The following NEDD4L variants were observed in gnomAD, a reference collection of about 807,000 sequenced individuals.
The protein encoded by NEDD4L is E3 ubiquitin-protein ligase NEDD4-like.
NEDD4L carries 54 observed loss-of-function variants against 148.9 expected under a neutral mutation model. The observed-to-expected ratio is 0.36, with a 90% confidence interval of 0.29 to 0.45. NEDD4L has a LOEUF of 0.45. NEDD4L is among the 20% of genes least tolerant of loss of function. The pLI is 1.00. For synonymous variants in NEDD4L, 433 were observed against 440.7 expected (o/e 0.98, Z 0.22); for missense variants, 856 against 1,233.8 (o/e 0.69, Z 4.59).
chr18:58,126,067 T>G, intron 1 of NEDD4L, among the ~76,000 whole-genome samples: 1 of 152,256 alleles, frequency 6.6e-6, no homozygotes, highest in East Asian at 1.9e-4. Flanking sequence ...CCCTTTAGCC[T>G]TGAAGGGGAC....
chr18:58,373,055 T>C, intron 23 of NEDD4L, 119 bp from the exon 24 acceptor site: 1 of 652,498 alleles, frequency 1.5e-6, no homozygotes, highest in South Asian at 1.7e-5. Context: ...AACATTGCAT[T>C]AGTAACATAT....
chr18:58,292,792 C>T (rs1284355307), intron 5 of NEDD4L, among the ~76,000 whole-genome samples: 3 of 152,156 alleles, frequency 2.0e-5, no homozygotes, highest in South Asian at 2.1e-4. Flanking sequence ...ATATTTGGAA[C>T]GTAAGCTCTG....
chr18:58,064,692 C>G (rs902136524), intron 1 of NEDD4L, among the ~76,000 whole-genome samples: 1 of 152,170 alleles, frequency 6.6e-6, no homozygotes, highest in Non-Finnish European at 1.5e-5. Context: ...CCCCAGAAAT[C>G]ATGGGGAAGT....
At chr18:58,178,174 A>T (rs1040207581) in intron 2 of NEDD4L, among the ~76,000 whole-genome samples, 1 of 152,186 alleles carries the variant, frequency 6.6e-6, no homozygotes, top group Non-Finnish European at 1.5e-5. Context: ...TGGGAGTGTC[A>T]GTGTTATTTT....
intron 1 of NEDD4L, among the ~76,000 whole-genome samples, chr18:58,071,341 C>T (rs1315160395): frequency 6.6e-6 from 1 of 151,838 alleles, no homozygotes; most frequent in East Asian, 1.9e-4. Flanking sequence ...GGTGACCAAA[C>T]AGAGAATGGG....
At chr18:58,294,464 TAAAA>T (rs1290068196) in intron 5 of NEDD4L, among the ~76,000 whole-genome samples, 1 of 152,204 alleles carries the variant, frequency 6.6e-6, no homozygotes, top group Non-Finnish European at 1.5e-5. Flanking sequence ...AGTGGCTAAA[TAAAA>T]ATATGGCAGC....
intron 2 of NEDD4L, among the ~76,000 whole-genome samples, chr18:58,169,665 C>T (rs908598510): frequency 1.3e-5 from 2 of 152,264 alleles, no homozygotes; most frequent in East Asian, 1.9e-4. Flanking sequence ...AAAACGCCCA[C>T]GTGGGGCGGC....
intron 1 of NEDD4L, among the ~76,000 whole-genome samples, chr18:58,156,497 T>A (rs1055161009): frequency 1.3e-5 from 2 of 152,198 alleles, no homozygotes; most frequent in Non-Finnish European, 2.9e-5. Context: ...CAGTTCTTCT[T>A]AGATTGAGTT....
At chr18:58,172,517 A>C (rs535737181) in intron 2 of NEDD4L, among the ~76,000 whole-genome samples, 17 of 152,352 alleles carry the variant, frequency 1.1e-4, no homozygotes, top group Non-Finnish European at 2.5e-4. Flanking sequence ...GGGTCCTCCC[A>C]GCAAAGTCCT....
At position 58,157,975 on chromosome 18, in the gene NEDD4L, G is replaced by T. The variant is rs541239822; in HGVS notation, c.49-7813G>T. Reference sequence around the variant, plus strand: ...AGCAACAGATATTTATTATCTCACAGTTTCTGTGGGTCAGTAAATCAAAAG... The same window carrying T: ...AGCAACAGATATTTATTATCTCACATTTTCTGTGGGTCAGTAAATCAAAAG... On this transcript the variant is annotated intron_variant, in intron 1 of 30. Transcript: ENST00000400345. Among the ~76,000 whole-genome samples the T allele has an allele frequency of 4.6e-4, 70 of 152,302 alleles. 2 individuals carry two copies. The highest frequency in any genetic ancestry group is 3.1e-3 in the Admixed American group (48 of 15,306).
intron 5 of NEDD4L, among the ~76,000 whole-genome samples, chr18:58,284,346 A>ATT (rs150032446): frequency 1.3e-5 from 2 of 151,712 alleles, no homozygotes; most frequent in African/African-American, 4.8e-5. Context: ...ACTGTTGTTG[A>ATT]TTTTTTTTTC....
At position 58,369,429 on chromosome 18, in the gene NEDD4L, A is replaced by T. The variant is rs1023546109; in HGVS notation, c.2186-968A>T. Among the ~76,000 whole-genome samples, 3 of 76,806 alleles carry T rather than the reference A, an allele frequency of 3.9e-5. No homozygotes were observed. In the East Asian group the frequency reaches 9.6e-4, roughly 25 times the overall value. The allele number at this position is 76,806 out of a possible 152,430, so 50.4% of individuals were successfully genotyped here. A position where few individuals can be genotyped will look rare whatever the true frequency, so the allele number is the denominator to read the frequency against. On this transcript the variant is annotated intron_variant, in intron 22 of 30. Coordinates refer to ENST00000400345, the MANE Select transcript of NEDD4L (RefSeq NM_001144967.3). ...AGCAGTGTCTTCAAATTTCCCACAGATGGGAATGTCCCTGTCGGCAGGGCT... is the reference window on the plus strand; with the variant it reads ...AGCAGTGTCTTCAAATTTCCCACAGTTGGGAATGTCCCTGTCGGCAGGGCT...
At chr18:58,265,050 C>CATTG (rs555340060) in intron 5 of NEDD4L, among the ~76,000 whole-genome samples, 6 of 151,946 alleles carry the variant, frequency 3.9e-5, no homozygotes, top group Admixed American at 1.3e-4. Flanking sequence ...CTAAGCAAGG[C>CATTG]ATTGGGTGAC....
At chr18:58,083,872 A>T (rs2083600799) in intron 1 of NEDD4L, among the ~76,000 whole-genome samples, 1 of 152,182 alleles carries the variant, frequency 6.6e-6, no homozygotes, top group Non-Finnish European at 1.5e-5. Flanking sequence ...CTGGTACTAC[A>T]GGCATGTTCC....
At chr18:58,126,179 G>A (rs889023454) in intron 1 of NEDD4L, among the ~76,000 whole-genome samples, 2 of 152,238 alleles carry the variant, frequency 1.3e-5, no homozygotes, top group African/African-American at 4.8e-5. Flanking sequence ...AATGGGTGAT[G>A]CAATGCGGTG....
chr18:58,350,000 A>C (rs1240461449), intron 17 of NEDD4L, among the ~76,000 whole-genome samples: 4 of 152,244 alleles, frequency 2.6e-5, no homozygotes, highest in African/African-American at 9.6e-5. Flanking sequence ...TGGGAGAAGA[A>C]GGCCTAATTA....
chr18:58,304,637 C>T (rs187830675), intron 5 of NEDD4L, among the ~76,000 whole-genome samples: 95 of 152,292 alleles, frequency 6.2e-4, no homozygotes, highest in African/African-American at 2.2e-3. Flanking sequence ...GATTGAGAAA[C>T]CTTCCTTTGG....
At chr18:58,380,417 C>G (rs934851724) in intron 24 of NEDD4L, among the ~76,000 whole-genome samples, 1 of 151,902 alleles carries the variant, frequency 6.6e-6, no homozygotes. Flanking sequence ...CCCCTGGGTT[C>G]AAGCGATTCT....
At chr18:58,342,250 G>A (rs780693464) in intron 15 of NEDD4L, among the ~76,000 whole-genome samples, 1 of 152,236 alleles carries the variant, frequency 6.6e-6, no homozygotes, top group African/African-American at 2.4e-5. Context: ...ATGCATATTT[G>A]CATCTCTGCA....
Sources: allele counts gnomAD v4.1 joint callset (sites outside exome capture counted in the v4.1 genomes callset), GRCh38; gene constraint gnomAD v4.1.1; transcripts MANE v1.5; gene names NCBI Gene and HGNC (gene_info 2026-07-23, HGNC 2026-07-21).